The following COL5A1 variants were observed in gnomAD, a reference collection of about 807,000 sequenced individuals.
COL5A1 encodes collagen alpha-1(V) chain.
In COL5A1, 16 loss-of-function variants were observed where a neutral mutation model predicts 263.7. The ratio of observed to expected loss-of-function variants is 0.06; its 90% CI spans 0.04 to 0.09. The LOEUF (loss-of-function observed/expected upper bound fraction) is 0.09. Among genes scored for constraint, COL5A1 ranks in the 10% least tolerant of loss-of-function variants. The pLI, the probability that COL5A1 is intolerant of heterozygous loss-of-function variation, is 1.00. For missense variants in COL5A1, 2,036 were observed against 2,540.5 expected, an observed-to-expected ratio of 0.80 and a Z score of 4.27; for synonymous variants, 1,012 against 1,004.5, an observed-to-expected ratio of 1.01 and a Z score of -0.14.
At chr9:134,783,008 C>T (rs1449997122) in intron 29 of COL5A1, among the ~76,000 whole-genome samples, 1 of 152,240 alleles carries the variant, frequency 6.6e-6, no homozygotes, top group Non-Finnish European at 1.5e-5. Flanking sequence ...GGGCTGGGTT[C>T]ACTTCTGACT....
chr9:134,789,046 T>G lies in COL5A1; in HGVS notation c.2647-109T>G, dbSNP rs970945430. ...TGGTTGGGTGGGTGGGCAGGTGGAGTCTGGGGCAGAGGCTGTGCACTGGCA... is the reference window on the plus strand; with the variant it reads ...TGGTTGGGTGGGTGGGCAGGTGGAGGCTGGGGCAGAGGCTGTGCACTGGCA... On this transcript the variant is annotated intron_variant, in intron 31 of 65. Transcript: ENST00000371817. The surrounding 1 kb of genome is among the most constrained non-coding windows in gnomAD (Gnocchi z 4.8). 4.0e-5 allele frequency: 38 copies of G among 945,972 alleles called. No homozygotes were observed. The African/African-American group carries it at 4.4e-4, about 11-fold the overall frequency. 58.6% of individuals were successfully genotyped at this position (945,972 alleles called of 1,614,324 possible).
intron 4 of COL5A1, among the ~76,000 whole-genome samples, chr9:134,723,575 T>A (rs1588472311): frequency 6.6e-6 from 1 of 152,240 alleles, no homozygotes. Context: ...CAGCCTCTTC[T>A]ATCTGTTAAA....
intron 4 of COL5A1, among the ~76,000 whole-genome samples, chr9:134,720,944 C>T (rs1193374013): frequency 4.6e-5 from 7 of 152,158 alleles, no homozygotes; most frequent in Non-Finnish European, 8.8e-5. Context: ...CCAGGCCTGG[C>T]TGCATCTTAG....
Position 134,754,340 on chromosome 9 carries a change from G to A in COL5A1, c.1827+14G>A. 6.2e-7 allele frequency: 1 copy of A among 1,613,954 alleles called. No individual in the cohort carries two copies. Among genetic ancestry groups the A allele is most frequent in the Non-Finnish European group, 8.5e-7 (1 of 1,180,002 alleles). ...CCCGGAAGACGGGTGAGTGGTGCGA[G>A]TGTGTGTGGTTTAGTGACAGCAGCT... On this transcript the variant is annotated intron_variant, in intron 16 of 65. Coordinates refer to ENST00000371817, the MANE Select transcript of COL5A1 (RefSeq NM_000093.5). The surrounding 1 kb of genome is among the most constrained non-coding windows in gnomAD (Gnocchi z 4.3).
At chr9:134,799,668 C>T (rs115245798) in intron 37 of COL5A1, among the ~76,000 whole-genome samples, 3,466 of 152,280 alleles carry the variant, frequency 0.023, 114 homozygotes, top group African/African-American at 0.08. Flanking sequence ...TTTGGTTCAT[C>T]GTGATGAAAC....
rs1564381151 is a variant in COL5A1 at position 134,678,257 on chromosome 9, T to C, written c.110-12655T>C. 6.6e-6 allele frequency among the ~76,000 whole-genome samples: 1 copy of C among 152,222 alleles called. No homozygotes were observed. Among genetic ancestry groups the C allele is most frequent in the Non-Finnish European group, 1.5e-5 (1 of 68,038 alleles). ...GCAGCTTGCTCTACCTCTCTCACGCTGAGTTTCCTCATGTACCAGTGAAGG... is the reference window on the plus strand; with the variant it reads ...GCAGCTTGCTCTACCTCTCTCACGCCGAGTTTCCTCATGTACCAGTGAAGG... On this transcript the variant is annotated intron_variant, in intron 1 of 65. Transcript: ENST00000371817. The surrounding 1 kb of genome is among the most constrained non-coding windows in gnomAD (Gnocchi z 5.5).
At chr9:134,823,115 CCAGA>C (rs1839090094) in intron 60 of COL5A1, 82 bp downstream of exon 60, 7 of 1,481,342 alleles carry the variant, frequency 4.7e-6, no homozygotes, top group African/African-American at 1.4e-5. Flanking sequence ...AACAAACTAC[CCAGA>C]CAACCGTCCT....
chr9:134,816,909 G>C lies in COL5A1; in HGVS notation c.4123-117G>C, dbSNP rs555992823. 4.3e-5 allele frequency: 40 copies of C among 928,290 alleles called. No homozygotes were observed. The East Asian group carries it at 8.7e-4, about 20-fold the overall frequency. The allele number at this position is 928,290 out of a possible 1,614,324, so 57.5% of individuals were successfully genotyped here. Reference sequence around the variant, plus strand: ...CCTCTGTGCTAGCCCCAAAAGAAGAGAGAGGCGGCCGCAGGGCTGGCCGAG... The same window carrying C: ...CCTCTGTGCTAGCCCCAAAAGAAGACAGAGGCGGCCGCAGGGCTGGCCGAG... On this transcript the variant is annotated intron_variant, in intron 52 of 65. Transcript: ENST00000371817.
At chr9:134,766,025 A>G (rs1836649253) in intron 21 of COL5A1, among the ~76,000 whole-genome samples, 2 of 152,356 alleles carry the variant, frequency 1.3e-5, no homozygotes, top group East Asian at 3.9e-4. Context: ...AGTTATAAGC[A>G]GAAACCCAGG....
intron 64 of COL5A1, among the ~76,000 whole-genome samples, chr9:134,833,591 C>A (rs1195899363): frequency 6.6e-6 from 1 of 152,130 alleles, no homozygotes; most frequent in Non-Finnish European, 1.5e-5. Context: ...CTTGAGTGGC[C>A]ATGCCAGACA....
intron 36 of COL5A1, 117 bp downstream of exon 36, chr9:134,797,018 G>C: frequency 1.8e-6 from 2 of 1,108,554 alleles, no homozygotes; most frequent in Non-Finnish European, 2.7e-6. Context: ...ACAGTGGCCG[G>C]TGGGTGGAGG....
intron 31 of COL5A1, among the ~76,000 whole-genome samples, chr9:134,788,241 G>A (rs1326926878): frequency 1.3e-5 from 2 of 151,052 alleles, no homozygotes; most frequent in Non-Finnish European, 3.0e-5. Flanking sequence ...CACATGGATA[G>A]ACATAGGTGG....
In COL5A1 at chr9:134,842,287, C is replaced by T; in HGVS notation, c.5501C>T (p.Ala1834Val). 2 of 1,614,208 alleles carry T rather than the reference C, an allele frequency of 1.2e-6. No individual in the cohort carries two copies. Among genetic ancestry groups the T allele is most frequent in the South Asian group, 1.1e-5 (1 of 91,084 alleles). ...AAATTTGGATTTGAAGTGGGGCCGG[C>T]TTGCTTCATGGGCTAGGAGCCGCCG... ...SQKFGFEVGPACFMG is the reference protein window; with the variant it reads ...SQKFGFEVGPVCFMG The change falls in exon 66 of 66, where the codon GCT (alanine) becomes GTT (valine). Residue 1834 changes from alanine (A) to valine (V), a missense_variant. Physicochemically the swap from Ala to Val is moderately conservative, Grantham distance 64 (BLOSUM62 0). Coordinates refer to ENST00000371817, the MANE Select transcript of COL5A1 (RefSeq NM_000093.5). The surrounding 1 kb of genome is among the most constrained non-coding windows in gnomAD (Gnocchi z 5.8).
intron 36 of COL5A1, among the ~76,000 whole-genome samples, chr9:134,797,117 C>T (rs1837942433): frequency 2.0e-5 from 3 of 152,270 alleles, no homozygotes; most frequent in African/African-American, 7.2e-5. Context: ...GGCTGTGTCC[C>T]ACTGCCGGGC....
intron 46 of COL5A1, 91 bp from the exon 47 acceptor site, chr9:134,812,358 G>C (rs1214999806): frequency 7.5e-7 from 1 of 1,341,448 alleles, no homozygotes; most frequent in East Asian, 2.3e-5. Context: ...GGGCTCAGTG[G>C]TGCTGTGTGG....
intron 11 of COL5A1, among the ~76,000 whole-genome samples, chr9:134,743,699 G>A (rs1180558009): frequency 6.6e-6 from 1 of 152,188 alleles, no homozygotes; most frequent in African/African-American, 2.4e-5. Context: ...GAAGCAGCCT[G>A]GCAATAATGA....
chr9:134,798,512 C>T lies in COL5A1; in HGVS notation c.2952+51C>T, dbSNP rs769895194. On this transcript the variant is annotated intron_variant, in intron 37 of 65. Coordinates refer to ENST00000371817, the MANE Select transcript of COL5A1 (RefSeq NM_000093.5). ...GTGGCTGGCTGGCTCTCTGACCACC[C>T]TGCACGTGGGCACAGCCCTCGCTGC... The T allele has an allele frequency of 1.9e-6, 3 of 1,565,336 alleles. No homozygotes were observed. In the South Asian group the frequency reaches 3.3e-5, roughly 17 times the overall value.
chr9:134,718,124 G>A lies in COL5A1; in HGVS notation c.655-9142G>A, dbSNP rs576468044. On this transcript the variant is annotated intron_variant, in intron 4 of 65. Coordinates refer to ENST00000371817, the MANE Select transcript of COL5A1 (RefSeq NM_000093.5). ...TTTGCAGTTTCCTCAGCTCACAACAGAGACGCAGCCTGGATACGGTCTCAT... is the reference window on the plus strand; with the variant it reads ...TTTGCAGTTTCCTCAGCTCACAACAAAGACGCAGCCTGGATACGGTCTCAT... Among the ~76,000 whole-genome samples, 5 of 152,356 alleles carry A rather than the reference G, an allele frequency of 3.3e-5. No individual in the cohort carries two copies. The South Asian group carries it at 1.0e-3, about 32-fold the overall frequency.
chr9:134,665,502 T>C (rs1000315018), intron 1 of COL5A1, among the ~76,000 whole-genome samples: 17 of 152,224 alleles, frequency 1.1e-4, no homozygotes, highest in African/African-American at 3.4e-4. Context: ...AAATCTAGGC[T>C]TGTCTATGAT....
Sources: gnomAD v4.1 joint callset for allele counts (sites outside exome capture counted in the v4.1 genomes callset) on GRCh38, gnomAD v4.1.1 for gene constraint, Gnocchi (gnomAD v3.1) non-coding constraint, MANE v1.5 for transcripts, NCBI Gene and HGNC (gene_info 2026-07-23, HGNC 2026-07-21) for gene names.